Variants in SNX29 observed in about 807,000 individuals in gnomAD.
The protein encoded by SNX29 is sorting nexin 29.
A neutral mutation model predicts 102.1 loss-of-function variants in SNX29; 78 were observed. That is an observed-to-expected ratio of 0.76 (90% CI 0.64 to 0.92). SNX29 has a LOEUF of 0.92. Among genes scored for constraint, SNX29 ranks in the 40% least tolerant of loss-of-function variants. The pLI is 0.00. For missense variants in SNX29, 1,280 were observed against 1,061.7 expected (o/e 1.21, Z -2.86); for synonymous variants, 580 against 414.5 (o/e 1.40, Z -4.85).
chr16:12,465,438 G>A (rs1438643076), intron 18 of SNX29, among the ~76,000 whole-genome samples: 2 of 151,630 alleles, frequency 1.3e-5, no homozygotes, highest in Non-Finnish European at 2.9e-5. Context: ...TAGATATTCC[G>A]TTTGCCCAGC....
In SNX29 at chr16:12,392,113, G is replaced by T. The variant is rs947089583; in HGVS notation, c.1900-6333G>T. Reference sequence around the variant, plus strand: ...ACGCTAATACTTCAAGAGGATAGTAGCTCACCTGACACTTTGTTTTGTGTC... The same window carrying T: ...ACGCTAATACTTCAAGAGGATAGTATCTCACCTGACACTTTGTTTTGTGTC... On this transcript the variant is annotated intron_variant, in intron 16 of 20. Transcript: ENST00000566228. Among the ~76,000 whole-genome samples, 6 of 152,314 alleles carry T rather than the reference G, an allele frequency of 3.9e-5. No individual in the cohort carries two copies. In the East Asian group the frequency reaches 9.6e-4, roughly 24 times the overall value.
chr16:12,534,368 C>G (rs4781249), intron 20 of SNX29, among the ~76,000 whole-genome samples: 92,533 of 152,106 alleles, frequency 0.61, 28,363 homozygotes, highest in Middle Eastern at 0.72. Context: ...CTGCACCTCT[C>G]ACACCTTCTC....
intron 11 of SNX29, among the ~76,000 whole-genome samples, chr16:12,085,440 C>A (rs902977777): frequency 2.0e-5 from 3 of 152,208 alleles, no homozygotes; most frequent in African/African-American, 7.2e-5. Flanking sequence ...GATTCTACTG[C>A]CTCTGCCTTC....
intron 14 of SNX29, among the ~76,000 whole-genome samples, chr16:12,205,760 A>C (rs1380002566): frequency 1.3e-5 from 2 of 152,098 alleles, no homozygotes; most frequent in African/African-American, 4.8e-5. Context: ...TATCTTGGTC[A>C]TTGATTTTCT....
chr16:12,121,635 C>T (rs1467682696), intron 11 of SNX29, among the ~76,000 whole-genome samples: 2 of 152,198 alleles, frequency 1.3e-5, no homozygotes, highest in Non-Finnish European at 2.9e-5. Flanking sequence ...GTGGGCTTGC[C>T]TTGAAGGGCT....
At chr16:12,263,431 A>G (rs1036157610) in intron 14 of SNX29, among the ~76,000 whole-genome samples, 5 of 152,070 alleles carry the variant, frequency 3.3e-5, no homozygotes, top group African/African-American at 9.7e-5. Context: ...CCTGGCCCCA[A>G]CATCTTGAAT....
At chr16:12,111,280 A>C in intron 11 of SNX29, among the ~76,000 whole-genome samples, 1 of 152,026 alleles carries the variant, frequency 6.6e-6, no homozygotes, top group East Asian at 1.9e-4. Flanking sequence ...CCTGCCCAGC[A>C]CCCTGCTGTG....
chr16:12,565,882 G>C (rs562887685), intron 20 of SNX29, among the ~76,000 whole-genome samples: 3 of 152,246 alleles, frequency 2.0e-5, no homozygotes, highest in East Asian at 1.9e-4. Flanking sequence ...AGAACAACCT[G>C]AGTTCCCTCT....
At chr16:12,247,941 A>C (rs2078306896) in intron 14 of SNX29, among the ~76,000 whole-genome samples, 1 of 152,114 alleles carries the variant, frequency 6.6e-6, no homozygotes, top group East Asian at 1.9e-4. Flanking sequence ...CACTGTGTAG[A>C]ATTACCATGG....
At chr16:12,376,360 C>G (rs2082874158) in intron 16 of SNX29, among the ~76,000 whole-genome samples, 2 of 152,198 alleles carry the variant, frequency 1.3e-5, no homozygotes, top group East Asian at 3.8e-4. Context: ...TTGCACTGTA[C>G]TTTGGTCACA....
At chr16:12,142,115 A>G (rs988914389) in intron 13 of SNX29, among the ~76,000 whole-genome samples, 5 of 152,054 alleles carry the variant, frequency 3.3e-5, no homozygotes, top group Admixed American at 6.6e-5. Flanking sequence ...AATGTATTGG[A>G]ATTTTGTGTG....
chr16:12,356,391 C>T (rs2082138179), intron 16 of SNX29, 112 bp downstream of exon 16: 1 of 840,668 alleles, frequency 1.2e-6, no homozygotes, highest in Non-Finnish European at 1.9e-6. Context: ...GCCAGATTTG[C>T]CCACATTCAC....
chr16:11,993,490 CAAT>C (rs1175570190), intron 1 of SNX29, among the ~76,000 whole-genome samples: 3 of 152,106 alleles, frequency 2.0e-5, no homozygotes, highest in East Asian at 1.9e-4. Context: ...GGGTTGCCAA[CAAT>C]GATGATAATG....
At chr16:12,546,802 T>G (rs2077634545) in intron 20 of SNX29, 1 of 152,012 alleles carries the variant, frequency 6.6e-6, no homozygotes, top group South Asian at 2.1e-4. Context: ...ATACAGACAA[T>G]TAGGATTGCT....
intron 3 of SNX29, among the ~76,000 whole-genome samples, chr16:12,025,332 TGTGTACAGAG>T (rs1286434870): frequency 1.4e-5 from 2 of 139,366 alleles, no homozygotes; most frequent in Non-Finnish European, 3.1e-5. Context: ...AAAGTGCCTG[TGTGTACAGAG>T]ACTAACGTAT....
At chr16:12,083,305 C>CAAAAA (rs373592693) in intron 11 of SNX29, among the ~76,000 whole-genome samples, 4 of 130,918 alleles carry the variant, frequency 3.1e-5, no homozygotes, top group African/African-American at 8.3e-5. Context: ...GACTATGTCT[C>CAAAAA]AAAAAAAAAA....
At chr16:12,514,918 GAGAA>G (rs68136330) in intron 19 of SNX29, among the ~76,000 whole-genome samples, 27,771 of 149,164 alleles carry the variant, frequency 0.19, 2,689 homozygotes, top group South Asian at 0.34. Flanking sequence ...GAAAGAAAGA[GAGAA>G]AGAAAGAAAG....
At chr16:12,055,016 G>A (rs187643733) in intron 8 of SNX29, among the ~76,000 whole-genome samples, 168 of 152,216 alleles carry the variant, frequency 1.1e-3, no homozygotes, top group African/African-American at 4.0e-3. Flanking sequence ...TGCTCATAGG[G>A]TATGAATGTT....
At chr16:12,171,703 C>T (rs1428769283) in intron 13 of SNX29, among the ~76,000 whole-genome samples, 2 of 152,252 alleles carry the variant, frequency 1.3e-5, no homozygotes, top group Admixed American at 1.3e-4. Flanking sequence ...ATGGATTTCT[C>T]CTGACCGAAA....
Sources: gnomAD v4.1 joint callset for allele counts (sites outside exome capture counted in the v4.1 genomes callset) on GRCh38, gnomAD v4.1.1 for gene constraint, MANE v1.5 for transcripts, NCBI Gene and HGNC (gene_info 2026-07-23, HGNC 2026-07-21) for gene names.